Variants in UBE2E2 observed in about 807,000 individuals in gnomAD.
The protein encoded by UBE2E2 is ubiquitin-conjugating enzyme E2 E2.
In UBE2E2, 6 loss-of-function variants were observed where a neutral mutation model predicts 24.7. The observed-to-expected ratio is 0.24, with a 90% CI of 0.13 to 0.48. The LOEUF is 0.48. Ranked by LOEUF, UBE2E2 falls within the 20% of genes least tolerant of loss-of-function variation. The pLI is 0.99. For missense variants in UBE2E2, 169 were observed against 245.0 expected (o/e 0.69, Z 2.07); for synonymous variants, 104 against 83.6 (o/e 1.24, Z -1.33).
chr3:23,490,905 G>A (rs921824507), intron 3 of UBE2E2, among the ~76,000 whole-genome samples: 3 of 152,080 alleles, frequency 2.0e-5, no homozygotes, highest in African/African-American at 7.2e-5. Flanking sequence ...TCTCAAATCT[G>A]TAAAGTGTGA....
chr3:23,399,211 G>A (rs1040524070), intron 3 of UBE2E2, among the ~76,000 whole-genome samples: 1 of 152,048 alleles, frequency 6.6e-6, no homozygotes, highest in African/African-American at 2.4e-5. Context: ...AGTTAAGAAC[G>A]TTTATCTTTT....
At chr3:23,547,684 G>C (rs1695553270) in intron 5 of UBE2E2, among the ~76,000 whole-genome samples, 1 of 152,174 alleles carries the variant, frequency 6.6e-6, no homozygotes, top group Admixed American at 6.5e-5. Flanking sequence ...CACCCTCGAG[G>C]ATGTTGATTG....
chr3:23,396,431 G>A (rs960268859), intron 3 of UBE2E2, among the ~76,000 whole-genome samples: 3 of 150,022 alleles, frequency 2.0e-5, no homozygotes, highest in African/African-American at 4.9e-5. Context: ...CACTGTATAC[G>A]TCGTATACAT....
intron 5 of UBE2E2, among the ~76,000 whole-genome samples, chr3:23,538,557 T>A (rs1695316711): frequency 6.6e-6 from 1 of 152,202 alleles, no homozygotes. Flanking sequence ...CAGTATTACC[T>A]GTAGAATCCT....
rs985222737 is a variant in UBE2E2, at chr3:23,345,507, C to T, written c.227+128195C>T. Among the ~76,000 whole-genome samples, 9 of 152,270 alleles carry T rather than the reference C, an allele frequency of 5.9e-5. No individual in the cohort carries two copies. In the Middle Eastern group the frequency reaches 0.01, roughly 173 times the overall value. ...AGAGCTTTGATTGCAATAATTATCA[C>T]ATAACCAACACCTCTTAAGTATTAC... On this transcript the variant is annotated intron_variant, in intron 3 of 5. Transcript: ENST00000396703.
intron 4 of UBE2E2, among the ~76,000 whole-genome samples, chr3:23,522,281 C>A (rs546610504): frequency 2.0e-5 from 3 of 152,026 alleles, no homozygotes; most frequent in Non-Finnish European, 4.4e-5. Context: ...CAGGCGCCCG[C>A]CACCACGCCC....
chr3:23,261,929 G>T (rs1403582108), intron 3 of UBE2E2, among the ~76,000 whole-genome samples: 1 of 152,188 alleles, frequency 6.6e-6, no homozygotes, highest in Non-Finnish European at 1.5e-5. Flanking sequence ...TAATGCTGCA[G>T]TTAACATGGA....
intron 3 of UBE2E2, among the ~76,000 whole-genome samples, chr3:23,437,308 C>G (rs970749753): frequency 6.6e-6 from 1 of 152,194 alleles, no homozygotes; most frequent in Non-Finnish European, 1.5e-5. Context: ...CCACCTAAAA[C>G]TGGCCCTTTT....
rs768061362 is a variant in UBE2E2, at chr3:23,407,114, T to C, written c.228-92494T>C. ...TCTTCAGCTTCACATGTTGAAGATA[T>C]TCTCCAAAGATGTCATCAAGAAGGT... On this transcript the variant is annotated intron_variant, in intron 3 of 5. Coordinates refer to ENST00000396703, the MANE Select transcript of UBE2E2 (RefSeq NM_152653.4). This position sits in a 1 kb window ranked among gnomAD's most constrained non-coding sequence, Gnocchi z 4.0. 1.1e-4 allele frequency among the ~76,000 whole-genome samples: 17 copies of C among 152,232 alleles called. No individual in the cohort carries two copies. Among genetic ancestry groups the C allele is most frequent in the Non-Finnish European group, 2.5e-4 (17 of 68,042 alleles).
chr3:23,584,427 T>C (rs904299589), intron 5 of UBE2E2, among the ~76,000 whole-genome samples: 2 of 152,146 alleles, frequency 1.3e-5, no homozygotes, highest in African/African-American at 4.8e-5. Context: ...GCTTCCAGGG[T>C]ACCCAGTGTA....
intron 3 of UBE2E2, among the ~76,000 whole-genome samples, chr3:23,222,645 T>A (rs1696686698): frequency 1.3e-5 from 2 of 152,100 alleles, no homozygotes; most frequent in South Asian, 4.2e-4. Flanking sequence ...GAACCATGAG[T>A]CCATTAAACG....
In UBE2E2 at chr3:23,285,971, A is replaced by G. The variant is rs554171289; in HGVS notation, c.227+68659A>G. On this transcript the variant is annotated intron_variant, in intron 3 of 5. Transcript: ENST00000396703. ...CTCGGCCTCCCAAAGTGCTGGGATT[A>G]CAGAAATGAGCCACTGTGGATGGCC... Among the ~76,000 whole-genome samples, 3 of 152,350 alleles carry G rather than the reference A, an allele frequency of 2.0e-5. No homozygotes were observed. The South Asian group carries it at 6.2e-4, about 32-fold the overall frequency.
At chr3:23,239,896 C>G (rs1425687110) in intron 3 of UBE2E2, among the ~76,000 whole-genome samples, 1 of 152,136 alleles carries the variant, frequency 6.6e-6, no homozygotes, top group African/African-American at 2.4e-5. Context: ...GAAAGCAGAT[C>G]AGTCAGCTTT....
intron 3 of UBE2E2, among the ~76,000 whole-genome samples, chr3:23,236,642 T>A (rs1697121584): frequency 6.6e-6 from 1 of 152,134 alleles, no homozygotes; most frequent in East Asian, 1.9e-4. Context: ...CTGGAACACA[T>A]AATTAAGTGT....
intron 3 of UBE2E2, among the ~76,000 whole-genome samples, chr3:23,322,002 A>G (rs1246611788): frequency 3.3e-5 from 5 of 152,106 alleles, no homozygotes; most frequent in African/African-American, 1.2e-4. Flanking sequence ...AAGTTTTATA[A>G]TCCTTTGTCA....
intron 3 of UBE2E2, among the ~76,000 whole-genome samples, chr3:23,388,203 C>T: frequency 6.6e-6 from 1 of 152,128 alleles, no homozygotes; most frequent in East Asian, 1.9e-4. Context: ...TATTCTAAGA[C>T]TATTAGTAAA....
At chr3:23,456,374 C>A (rs1337926205) in intron 3 of UBE2E2, among the ~76,000 whole-genome samples, 3 of 152,204 alleles carry the variant, frequency 2.0e-5, no homozygotes, top group Admixed American at 2.0e-4. Context: ...AATGGTGAAT[C>A]CATTCCACAA....
At chr3:23,483,706 A>T (rs1699303072) in intron 3 of UBE2E2, among the ~76,000 whole-genome samples, 1 of 152,172 alleles carries the variant, frequency 6.6e-6, no homozygotes, top group East Asian at 1.9e-4. Flanking sequence ...CCACACTTTG[A>T]GGCCCTCAGT....
intron 5 of UBE2E2, among the ~76,000 whole-genome samples, chr3:23,574,141 G>A (rs920869304): frequency 6.6e-5 from 10 of 152,108 alleles, no homozygotes; most frequent in Non-Finnish European, 1.5e-5. Context: ...AGCTTCACAT[G>A]TTCTCACTTA....
Sources: allele counts gnomAD v4.1 joint callset (sites outside exome capture counted in the v4.1 genomes callset), GRCh38; gene constraint gnomAD v4.1.1; non-coding constraint Gnocchi (gnomAD v3.1); transcripts MANE v1.5; gene names NCBI Gene and HGNC (gene_info 2026-07-23, HGNC 2026-07-21).